Variants in MGST1 observed in about 807,000 individuals in gnomAD.
The protein encoded by MGST1 is microsomal glutathione S-transferase 1.
MGST1 carries 5 observed loss-of-function variants against 8.9 expected under a neutral mutation model. The observed-to-expected ratio is 0.56, with a 90% CI of 0.29 to 1.19. MGST1 has a LOEUF of 1.19. Among genes scored for constraint, MGST1 ranks in the 50% most tolerant of loss-of-function variants. The pLI is 0.08. For synonymous variants in MGST1, 54 were observed against 67.8 expected (o/e 0.80, Z 1.00); for missense variants, 182 against 187.4 (o/e 0.97, Z 0.17).
At chr12:16,353,034 T>C (rs899895568) in intron 1 of MGST1, among the ~76,000 whole-genome samples, 1 of 147,910 alleles carries the variant, frequency 6.8e-6, no homozygotes, top group Non-Finnish European at 1.5e-5. Flanking sequence ...ACTATTTCAA[T>C]TTTTTTTTTT....
At position 16,513,298 on chromosome 12, in the gene MGST1, C is replaced by G. The variant is rs893299542; in HGVS notation, n.483-76230C>G. The G allele has an allele frequency of 7.9e-6, 2 of 253,316 alleles. No homozygotes were observed. The highest frequency in any genetic ancestry group is 4.6e-5 in the African/African-American group (2 of 43,738). 15.7% of individuals were successfully genotyped at this position (253,316 alleles called of 1,614,324 possible). ...CTCTCCCTGCTTACTCTGATTCTCTCCACATTTCCCATTGAAAATTCCTTA... is the reference window on the plus strand; with the variant it reads ...CTCTCCCTGCTTACTCTGATTCTCTGCACATTTCCCATTGAAAATTCCTTA... On this transcript the variant is annotated intron_variant and non_coding_transcript_variant, in intron 4 of 4. Transcript: ENST00000538857. The surrounding 1 kb of genome is among the most constrained non-coding windows in gnomAD (Gnocchi z 4.2).
intron 1 of MGST1, chr12:16,399,766 A>G (rs1321810525): frequency 5.1e-6 from 6 of 1,172,684 alleles, no homozygotes; most frequent in East Asian, 2.3e-5. Flanking sequence ...TTCAGGTTGC[A>G]GGAATTCAAC....
At chr12:16,409,388 A>T (rs1774659745) in intron 1 of MGST1, among the ~76,000 whole-genome samples, 1 of 152,126 alleles carries the variant, frequency 6.6e-6, no homozygotes, top group African/African-American at 2.4e-5. Context: ...TATTACCCAC[A>T]AAGTATCTTT....
chr12:16,554,894 G>A (rs1337852468), intron 4 of MGST1, among the ~76,000 whole-genome samples: 2 of 152,024 alleles, frequency 1.3e-5, no homozygotes, highest in Admixed American at 6.6e-5. Flanking sequence ...TCCCAACCTC[G>A]TGATCCGCCC....
At chr12:16,511,305 G>A (rs1404585523) in intron 4 of MGST1, among the ~76,000 whole-genome samples, 1 of 152,168 alleles carries the variant, frequency 6.6e-6, no homozygotes, top group East Asian at 1.9e-4. Context: ...GCCCCTGTGG[G>A]GCTAATGCCC....
chr12:16,356,822 G>C (rs1487346119), intron 2 of MGST1, among the ~76,000 whole-genome samples: 4 of 152,210 alleles, frequency 2.6e-5, no homozygotes, highest in African/African-American at 9.6e-5. Flanking sequence ...TTCTGACAGA[G>C]TACAAGACAC....
chr12:16,578,485 G>A (rs1943061493), intron 4 of MGST1, among the ~76,000 whole-genome samples: 1 of 152,068 alleles, frequency 6.6e-6, no homozygotes, highest in African/African-American at 2.4e-5. Flanking sequence ...CCATGCTCAG[G>A]TCTGACCTTA....
In MGST1 at chr12:16,376,161, A is replaced by G. The variant is rs900448694; in HGVS notation, c.261A>G (p.Ile87Met). 15 of 1,218,314 alleles carry G rather than the reference A, an allele frequency of 1.2e-5. No individual in the cohort carries two copies. The Admixed American group carries it at 2.1e-4, about 17-fold the overall frequency. 75.5% of individuals were successfully genotyped at this position (1,218,314 alleles called of 1,614,324 possible). The change falls in exon 4 of 4, where the codon ATA becomes ATG. Residue 87 changes from isoleucine (I) to methionine (M), a missense_variant. Transcript: ENST00000535309. ...TGAGCATTTATCTTGCCTCTTCTAT[A>G]TAAAGTTTAACTCGGCATAACCAAT...
In MGST1 at chr12:16,390,006, G is replaced by A. The variant is rs77026116; in HGVS notation, n.778+6402G>A. ...GTCAGAGGGTTGAAATTTCACACACGAAGGCTCATTTTGATATGTTCACAT... is the reference window on the plus strand; with the variant it reads ...GTCAGAGGGTTGAAATTTCACACACAAAGGCTCATTTTGATATGTTCACAT... On this transcript the variant is annotated intron_variant and non_coding_transcript_variant, in intron 1 of 1. Coordinates refer to the MGST1 transcript ENST00000359720. Among the ~76,000 whole-genome samples, 9 of 152,304 alleles carry A rather than the reference G, an allele frequency of 5.9e-5. No individual in the cohort carries two copies. In the East Asian group the frequency reaches 1.7e-3, roughly 29 times the overall value.
intron 1 of MGST1, among the ~76,000 whole-genome samples, chr12:16,349,393 G>A (rs769800819): frequency 7.9e-5 from 12 of 152,062 alleles, no homozygotes; most frequent in Non-Finnish European, 1.8e-4. Flanking sequence ...GTAGAAAACA[G>A]GAATGAGATT....
In MGST1 at chr12:16,389,784, G is replaced by A. The variant is rs781781658; in HGVS notation, n.778+6180G>A. ...GTTTTCATAGTAAGAGCTTGCAGAG[G>A]TGGCTGGGAGTGAGGCATGAGATCT... On this transcript the variant is annotated intron_variant and non_coding_transcript_variant, in intron 1 of 1. Transcript: ENST00000359720. This position sits in a 1 kb window ranked among gnomAD's most constrained non-coding sequence, Gnocchi z 4.6. 6.6e-6 allele frequency among the ~76,000 whole-genome samples: 1 copy of A among 152,146 alleles called. No individual in the cohort carries two copies. Among genetic ancestry groups the A allele is most frequent in the South Asian group, 2.1e-4 (1 of 4,826 alleles).
intron 1 of MGST1, among the ~76,000 whole-genome samples, chr12:16,386,885 A>T (rs888400588): frequency 6.6e-6 from 1 of 152,186 alleles, no homozygotes; most frequent in African/African-American, 2.4e-5. Context: ...CTTTTTATCA[A>T]GCGTCTCTGC....
chr12:16,432,679 GACAC>G (rs36054419), intron 1 of MGST1, among the ~76,000 whole-genome samples: 14,852 of 124,014 alleles, frequency 0.12, 893 homozygotes, highest in South Asian at 0.13. Context: ...CTCTCTCTCT[GACAC>G]ACACACACAC....
intron 1 of MGST1, among the ~76,000 whole-genome samples, chr12:16,417,730 A>G (rs1940799420): frequency 6.6e-6 from 1 of 152,180 alleles, no homozygotes; most frequent in Non-Finnish European, 1.5e-5. Context: ...ATAAGGGCCT[A>G]GATATTTGGA....
intron 4 of MGST1, among the ~76,000 whole-genome samples, chr12:16,533,724 C>CAA (rs5796678): frequency 2.1e-5 from 3 of 144,346 alleles, no homozygotes; most frequent in Non-Finnish European, 4.6e-5. Context: ...GTGGGGGATG[C>CAA]AAAAAAAAAA....
At position 16,582,869 on chromosome 12, in the gene MGST1, G is replaced by A. The variant is rs530205691; in HGVS notation, n.483-6659G>A. On this transcript the variant is annotated intron_variant and non_coding_transcript_variant, in intron 4 of 4. Coordinates refer to the MGST1 transcript ENST00000538857. The surrounding 1 kb of genome is among the most constrained non-coding windows in gnomAD (Gnocchi z 4.1). ...TCGAGACCAGCCTGGCCAACATGGC[G>A]AAACCCCGTCTCTACTAAAATAAAA... is the stretch of plus-strand genomic sequence containing the variant. 7.4e-4 allele frequency among the ~76,000 whole-genome samples: 113 copies of A among 152,068 alleles called. 2 individuals carry two copies. The highest frequency in any genetic ancestry group is 2.6e-3 in the African/African-American group (108 of 41,508).
chr12:16,393,955 C>T (rs929847865), intron 1 of MGST1, among the ~76,000 whole-genome samples: 2 of 152,180 alleles, frequency 1.3e-5, no homozygotes, highest in Admixed American at 1.3e-4. Context: ...CTAGTTTTTG[C>T]TATTATAAAT....
At chr12:16,558,655 A>G (rs1307734243) in intron 4 of MGST1, among the ~76,000 whole-genome samples, 1 of 152,154 alleles carries the variant, frequency 6.6e-6, no homozygotes, top group Non-Finnish European at 1.5e-5. Context: ...GAGTCAAGAC[A>G]TTGTAAGATA....
chr12:16,376,224 C>A (rs1940376993), exon 4 of MGST1: 3 of 702,834 alleles, frequency 4.3e-6, no homozygotes, highest in South Asian at 1.9e-5. Context: ...TAGAAGCAAA[C>A]CAGTGAATAA....
Sources: allele counts gnomAD v4.1 joint callset (sites outside exome capture counted in the v4.1 genomes callset), GRCh38; gene constraint gnomAD v4.1.1; non-coding constraint Gnocchi (gnomAD v3.1); transcripts MANE v1.5; gene names NCBI Gene and HGNC (gene_info 2026-07-23, HGNC 2026-07-21).